Variants in STYXL1 observed in about 807,000 individuals in gnomAD.
STYXL1 encodes serine/threonine/tyrosine interacting like 1, also known as serine/threonine/tyrosine-interacting-like protein 1.
STYXL1 carries 32 observed loss-of-function variants against 36.4 expected under a neutral mutation model. That is an observed-to-expected ratio of 0.88 (90% CI 0.66 to 1.18). STYXL1 has a LOEUF of 1.18. Ranked by LOEUF, STYXL1 falls within the 50% of genes most tolerant of loss-of-function variation. The probability of loss-of-function intolerance (pLI) is 0.00; values close to 1 mark genes in which losing one functional copy is unlikely to be tolerated. For synonymous variants in STYXL1, 133 were observed against 144.1 expected, an observed-to-expected ratio of 0.92 and a Z score of 0.55; for missense variants, 354 against 394.1, an observed-to-expected ratio of 0.90 and a Z score of 0.86.
intron 4 of STYXL1, among the ~76,000 whole-genome samples, chr7:76,014,720 A>G (rs935019539): frequency 6.6e-6 from 1 of 151,992 alleles, no homozygotes; most frequent in Admixed American, 6.6e-5. Flanking sequence ...CTCAGAGTTT[A>G]CAGAAACTGC....
At chr7:76,015,638 C>G (rs1347947738) in intron 4 of STYXL1, among the ~76,000 whole-genome samples, 1 of 152,138 alleles carries the variant, frequency 6.6e-6, no homozygotes, top group African/African-American at 2.4e-5. Context: ...ATCCAATATC[C>G]AAAATCTATA....
At chr7:76,045,664 G>A in intron 1 of STYXL1, 1 of 152,376 alleles carries the variant, frequency 6.6e-6, no homozygotes, top group Non-Finnish European at 1.5e-5. Flanking sequence ...CCACTGCACT[G>A]CAGCCTGGGC....
intron 3 of STYXL1, among the ~76,000 whole-genome samples, chr7:76,026,191 CCAAAAAAAAAAAA>C (rs1794692471): frequency 1.2e-4 from 1 of 8,548 alleles, no homozygotes; most frequent in Non-Finnish European, 3.2e-4. Context: ...GACTCTGTCT[CCAAAAAAAAAAAA>C]AAAAAAAAAA....
intron 5 of STYXL1, among the ~76,000 whole-genome samples, chr7:76,009,443 ACT>A (rs1792268967): frequency 6.6e-6 from 1 of 151,518 alleles, no homozygotes; most frequent in African/African-American, 2.4e-5. Flanking sequence ...ATGGAGTCTC[ACT>A]CTGTCACCCA....
intron 1 of STYXL1, among the ~76,000 whole-genome samples, chr7:76,040,462 TC>T (rs1365180065): frequency 6.6e-6 from 1 of 152,226 alleles, no homozygotes; most frequent in East Asian, 1.9e-4. Flanking sequence ...GTCCAACACC[TC>T]CCGGTTGTTC....
intron 1 of STYXL1, chr7:76,044,440 G>C (rs1489267866): frequency 6.6e-6 from 1 of 152,200 alleles, no homozygotes; most frequent in Non-Finnish European, 1.5e-5. Flanking sequence ...ATGAGCCACT[G>C]CACTGGGCCA....
At chr7:76,030,753 T>C (rs1308378175) in intron 1 of STYXL1, among the ~76,000 whole-genome samples, 1 of 150,856 alleles carries the variant, frequency 6.6e-6, no homozygotes, top group Non-Finnish European at 1.5e-5. Flanking sequence ...GGCTCACGCC[T>C]GTAATCCCAG....
intron 2 of STYXL1, among the ~76,000 whole-genome samples, chr7:76,029,018 G>A (rs371659685): frequency 1.3e-5 from 2 of 151,648 alleles, no homozygotes; most frequent in Admixed American, 6.6e-5. Flanking sequence ...AGCTACTCAC[G>A]AGGCTGAAGG....
intron 1 of STYXL1, chr7:76,045,923 C>T (rs1382313267): frequency 3.3e-5 from 5 of 152,170 alleles, no homozygotes; most frequent in African/African-American, 1.2e-4. Context: ...GACTTAATAC[C>T]TGGCTCTGAG....
chr7:76,024,418 AGACCAGCCTGGGTAACATAGCGAGACCCC>A (rs1554577114), intron 3 of STYXL1, among the ~76,000 whole-genome samples: 1 of 152,104 alleles, frequency 6.6e-6, no homozygotes, highest in Non-Finnish European at 1.5e-5. Context: ...CAGGCGTTCA[AGACCAGCCTGGGTAACATAGCGAGACCCC>A]ATCTCTACAA....
rs140294452 is a variant in STYXL1, at chr7:76,040,413, T to C, written c.-5+7249A>G. ...TCAGATCTGCCACAATCAGCGACTC[T>C]CAGCTCTTGGAAGCCCCTTGGTGGC... On this transcript the variant is annotated intron_variant, in intron 1 of 8. Transcript: ENST00000359697. Among the ~76,000 whole-genome samples the C allele has an allele frequency of 2.2e-3, 342 of 152,296 alleles. 3 individuals are homozygous for C. Among genetic ancestry groups the C allele is most frequent in the African/African-American group, 7.8e-3 (325 of 41,562 alleles).
intron 1 of STYXL1, among the ~76,000 whole-genome samples, chr7:76,037,474 C>G (rs1796032664): frequency 6.7e-6 from 1 of 150,044 alleles, no homozygotes; most frequent in South Asian, 2.2e-4. Context: ...GGGAAAACAG[C>G]CAACTGGGAA....
intron 1 of STYXL1, among the ~76,000 whole-genome samples, chr7:76,043,664 G>A (rs1388799289): frequency 6.6e-6 from 1 of 152,168 alleles, no homozygotes; most frequent in African/African-American, 2.4e-5. Flanking sequence ...CAGTAACAAG[G>A]CCAGATGTCG....
At chr7:76,005,665 G>A (rs1409103255) in intron 5 of STYXL1, among the ~76,000 whole-genome samples, 4 of 152,106 alleles carry the variant, frequency 2.6e-5, no homozygotes, top group Admixed American at 2.0e-4. Context: ...CGTGGCAACT[G>A]TTTACACTTG....
chr7:76,030,623 C>T (rs527588268), intron 1 of STYXL1, 96 bp from the exon 2 acceptor site: 24 of 730,304 alleles, frequency 3.3e-5, no homozygotes, highest in South Asian at 3.1e-4. Context: ...TTTAACATAC[C>T]TTCAAGCAAA....
At position 75,999,525 on chromosome 7, in the gene STYXL1, G is replaced by A. The variant is rs1456920499; in HGVS notation, c.810+1365C>T. 1.3e-4 allele frequency among the ~76,000 whole-genome samples: 17 copies of A among 128,646 alleles called. 1 individual carries two copies. Among genetic ancestry groups the A allele is most frequent in the Middle Eastern group, 3.8e-3 (1 of 266 alleles). 84.4% of individuals were successfully genotyped at this position (128,646 alleles called of 152,430 possible). On this transcript the variant is annotated intron_variant, in intron 8 of 8. Transcript: ENST00000359697. ...TGTGTGTGTGTATGTGTGTGTGTGT[G>A]TGTGTGTGTGTGTGTGTGTGTGTGT...
At chr7:76,031,714 CAAA>C (rs11395068) in intron 1 of STYXL1, among the ~76,000 whole-genome samples, 2 of 134,718 alleles carry the variant, frequency 1.5e-5, no homozygotes. Context: ...GACTCCATCT[CAAA>C]AAAAAAAAAA....
chr7:76,036,781 TC>T (rs1795948073), intron 1 of STYXL1, among the ~76,000 whole-genome samples: 1 of 93,444 alleles, frequency 1.1e-5, no homozygotes, highest in Non-Finnish European at 2.8e-5. Flanking sequence ...ACAGTATAGC[TC>T]TTTTTTTTTT....
chr7:76,036,355 C>A (rs1795909833), intron 1 of STYXL1, among the ~76,000 whole-genome samples: 1 of 150,130 alleles, frequency 6.7e-6, no homozygotes, highest in South Asian at 2.2e-4. Flanking sequence ...CCTGCCTTGG[C>A]CTCCCAAAGT....
Sources: allele counts gnomAD v4.1 joint callset (sites outside exome capture counted in the v4.1 genomes callset), GRCh38; gene constraint gnomAD v4.1.1; transcripts MANE v1.5; gene names NCBI Gene and HGNC (gene_info 2026-07-23, HGNC 2026-07-21).